PKD2L2: variants seen among roughly 807,000 people sequenced by gnomAD.
PKD2L2 encodes polycystin 2 like 2, transient receptor potential cation channel, also known as polycystin-2-like protein 2.
PKD2L2 carries 67 observed loss-of-function variants against 83.9 expected under a neutral mutation model. The observed-to-expected ratio is 0.80, with a 90% CI of 0.66 to 0.98. PKD2L2 has a LOEUF of 0.98. Among genes scored for constraint, PKD2L2 ranks in the 50% least tolerant of loss-of-function variants. The pLI, the probability that PKD2L2 is intolerant of heterozygous loss-of-function variation, is 0.00. For missense variants in PKD2L2, 632 were observed against 717.2 expected (o/e 0.88, Z 1.36); for synonymous variants, 223 against 237.8 (o/e 0.94, Z 0.57).
At chr5:137,922,230 T>C (rs1175049011) in intron 9 of PKD2L2, among the ~76,000 whole-genome samples, 1 of 152,186 alleles carries the variant, frequency 6.6e-6, no homozygotes, top group Non-Finnish European at 1.5e-5. Flanking sequence ...CACTGTACTG[T>C]CCTCCATGAA....
At chr5:137,936,753 C>T (rs1760462035) in intron 14 of PKD2L2, among the ~76,000 whole-genome samples, 1 of 152,238 alleles carries the variant, frequency 6.6e-6, no homozygotes, top group Admixed American at 6.5e-5. Flanking sequence ...CCGCACCCAG[C>T]CCATTGAGCA....
At chr5:137,939,235 AAAGAT>A (rs2150080844) in intron 14 of PKD2L2, 2 of 152,692 alleles carry the variant, frequency 1.3e-5, no homozygotes, top group Non-Finnish European at 2.9e-5. Flanking sequence ...GGAAAAAAAA[AAAGAT>A]AACCCCCTGA....
At chr5:137,938,341 A>G (rs1301545859) in intron 14 of PKD2L2, 1 of 152,670 alleles carries the variant, frequency 6.6e-6, no homozygotes, top group Non-Finnish European at 1.5e-5. Flanking sequence ...TAAAACATTT[A>G]AATAGTGCAT....
chr5:137,927,590 T>G (rs1759482679), intron 12 of PKD2L2, among the ~76,000 whole-genome samples: 1 of 152,206 alleles, frequency 6.6e-6, no homozygotes. Flanking sequence ...AATTTTTTAT[T>G]CTGATGGTTA....
intron 8 of PKD2L2, among the ~76,000 whole-genome samples, chr5:137,912,241 A>C (rs1349979870): frequency 6.6e-6 from 1 of 152,240 alleles, no homozygotes; most frequent in Admixed American, 6.5e-5. Context: ...ACTGTTTGGC[A>C]TAGAGGCTAT....
intron 2 of PKD2L2, among the ~76,000 whole-genome samples, chr5:137,891,905 C>T (rs1756022024): frequency 6.6e-6 from 1 of 152,046 alleles, no homozygotes; most frequent in Non-Finnish European, 1.5e-5. Flanking sequence ...AGTCTGGTCT[C>T]GAACTCCTGA....
chr5:137,920,665 G>A (rs1758811037), intron 8 of PKD2L2, among the ~76,000 whole-genome samples: 1 of 151,748 alleles, frequency 6.6e-6, no homozygotes, highest in Non-Finnish European at 1.5e-5. Flanking sequence ...GCTGAGGCAG[G>A]AGAATTGCTT....
At position 137,890,558 on chromosome 5, in the gene PKD2L2, A is replaced by AT. The variant is rs1406261366; in HGVS notation, c.116dup (p.Leu39PhefsTer35). 2 of 1,490,832 alleles carry AT rather than the reference A, an allele frequency of 1.3e-6. No homozygotes were observed. Among genetic ancestry groups the AT allele is most frequent in the Non-Finnish European group, 1.9e-6 (2 of 1,080,968 alleles). The allele number at this position is 1,490,832 out of a possible 1,614,324, so 92.4% of individuals were successfully genotyped here. A position where few individuals can be genotyped will look rare whatever the true frequency, so the allele number is the denominator to read the frequency against. On this transcript the variant is annotated frameshift_variant, in exon 2 of 15. Transcript: ENST00000508883. LOFTEE classifies it high-confidence loss of function. ...ACTTCAGGAATTGTTACTCTACTTTATTTTTTTAATAAACCTATGTATATG... is the reference window on the plus strand; with the variant it reads ...ACTTCAGGAATTGTTACTCTACTTTATTTTTTTTAATAAACCTATGTATATG...
rs1757367075 is a variant in PKD2L2, at chr5:137,906,374, A to G, written c.915A>G (p.Lys305=). 1 of 1,611,058 alleles carries G rather than the reference A, an allele frequency of 6.2e-7. No individual in the cohort carries two copies. ...CAACACAAGAAGTCAAAAAAATAAA[A>G]GAATTTAAGTCTGCCTATTTCAAAA... is the stretch of plus-strand genomic sequence containing the variant. ...VFTTQEVKKI[K]EFKSAYFKSI... Residue 305 remains lysine, a synonymous_variant, in exon 6 of 15, where the codon AAA becomes AAG. Transcript: ENST00000508883.
chr5:137,893,559 G>A (rs992968154), intron 3 of PKD2L2, among the ~76,000 whole-genome samples: 22 of 152,166 alleles, frequency 1.4e-4, no homozygotes, highest in Admixed American at 1.3e-3. Context: ...TCAGGGATGG[G>A]TATTTTAGGA....
chr5:137,922,960 G>T (rs1243253092), intron 9 of PKD2L2, among the ~76,000 whole-genome samples: 1 of 151,146 alleles, frequency 6.6e-6, no homozygotes, highest in Non-Finnish European at 1.5e-5. Flanking sequence ...GAGCATATGG[G>T]TTATATGGGT....
intron 8 of PKD2L2, among the ~76,000 whole-genome samples, chr5:137,912,487 C>T (rs1204587943): frequency 1.3e-5 from 2 of 152,114 alleles, no homozygotes; most frequent in Admixed American, 6.6e-5. Context: ...CCACCTTAGC[C>T]TCCCAAGTAG....
At chr5:137,891,642 CT>C (rs1019657037) in intron 2 of PKD2L2, among the ~76,000 whole-genome samples, 4 of 152,012 alleles carry the variant, frequency 2.6e-5, no homozygotes, top group African/African-American at 9.6e-5. Context: ...TTAAAGAACA[CT>C]TTTTTTAATA....
intron 6 of PKD2L2, among the ~76,000 whole-genome samples, chr5:137,907,332 G>A (rs1194156950): frequency 6.6e-6 from 1 of 152,110 alleles, no homozygotes; most frequent in African/African-American, 2.4e-5. Context: ...TCTTTTAAAG[G>A]GTTGTTAAAA....
At chr5:137,894,732 T>TA (rs1756292419) in intron 4 of PKD2L2, 123 bp downstream of exon 4, 1 of 701,844 alleles carries the variant, frequency 1.4e-6, no homozygotes, top group Non-Finnish European at 2.4e-6. Context: ...TCAACAATAG[T>TA]AAAAAAGGAA....
At chr5:137,940,604 A>C (rs1413345519) in intron 14 of PKD2L2, 7 of 343,148 alleles carry the variant, frequency 2.0e-5, no homozygotes, top group Admixed American at 1.8e-4. Context: ...ACTGGAGGAA[A>C]CCCAGTATTT....
intron 2 of PKD2L2, among the ~76,000 whole-genome samples, chr5:137,890,913 T>C (rs1290572617): frequency 6.6e-6 from 1 of 152,208 alleles, no homozygotes; most frequent in Non-Finnish European, 1.5e-5. Context: ...TTTGATTTTG[T>C]TTAGAGTCAT....
At chr5:137,929,110 T>C (rs1289899038) in intron 12 of PKD2L2, among the ~76,000 whole-genome samples, 2 of 152,162 alleles carry the variant, frequency 1.3e-5, no homozygotes, top group African/African-American at 2.4e-5. Flanking sequence ...GCTAATTTGC[T>C]TGTTGATCAT....
At chr5:137,909,079 C>T (rs1348787087) in intron 8 of PKD2L2, 133 bp downstream of exon 8, 1 of 585,912 alleles carries the variant, frequency 1.7e-6, no homozygotes, top group African/African-American at 2.0e-5. Context: ...TTTTCTTTTT[C>T]TTTTTATTTT....
Sources: gnomAD v4.1 joint callset for allele counts (sites outside exome capture counted in the v4.1 genomes callset) on GRCh38, gnomAD v4.1.1 for gene constraint, MANE v1.5 for transcripts, NCBI Gene and HGNC (gene_info 2026-07-23, HGNC 2026-07-21) for gene names.